The following SCHIP1 variants were observed in gnomAD, a reference collection of about 807,000 sequenced individuals.
SCHIP1 encodes schwannomin interacting protein 1, also known as schwannomin-interacting protein 1.
A neutral mutation model predicts 29.7 loss-of-function variants in SCHIP1; 8 were observed. The observed-to-expected ratio is 0.27, with a 90% CI of 0.16 to 0.49. The LOEUF (loss-of-function observed/expected upper bound fraction) is 0.49. Among genes scored for constraint, SCHIP1 ranks in the 20% least tolerant of loss-of-function variants. The pLI is 0.99. For synonymous variants in SCHIP1, 76 were observed against 94.9 expected (o/e 0.80, Z 1.16); for missense variants, 193 against 294.6 (o/e 0.66, Z 2.52).
the SCHIP1 span, chr3:159,722,027 G>A: frequency 5.7e-4 from 205 of 362,548 alleles, 1 homozygote; most frequent in East Asian, 0.012. Flanking sequence ...CTGTCTCAAC[G>A]TACTTTATTA....
the SCHIP1 span, among the ~76,000 whole-genome samples, chr3:159,322,056 A>T: frequency 1.3e-5 from 2 of 151,900 alleles, no homozygotes; most frequent in Non-Finnish European, 1.5e-5. Flanking sequence ...CCAGTAGTTC[A>T]TATCACTTTG....
intron 2 of SCHIP1, among the ~76,000 whole-genome samples, chr3:159,882,672 CA>C: frequency 6.6e-6 from 1 of 152,316 alleles, no homozygotes; most frequent in East Asian, 1.9e-4. Context: ...TATATAAAAT[CA>C]TATTACCACT....
At chr3:159,485,148 TC>T in the SCHIP1 span, among the ~76,000 whole-genome samples, 4,989 of 152,192 alleles carry the variant, frequency 0.033, 277 homozygotes, top group African/African-American at 0.12. Context: ...CCCTCATACT[TC>T]CTGGATATCC....
the SCHIP1 span, among the ~76,000 whole-genome samples, chr3:159,344,687 A>T: frequency 6.6e-6 from 1 of 152,370 alleles, no homozygotes; most frequent in African/African-American, 2.4e-5. Context: ...GAGCCTAAAT[A>T]AACATGGTAA....
the SCHIP1 span, among the ~76,000 whole-genome samples, chr3:159,286,054 T>C: frequency 3.3e-5 from 5 of 152,234 alleles, no homozygotes; most frequent in Admixed American, 3.3e-4. Flanking sequence ...TTATTCATTG[T>C]GTTTATTCAT....
the SCHIP1 span, among the ~76,000 whole-genome samples, chr3:159,639,568 C>T: frequency 6.6e-6 from 1 of 152,108 alleles, no homozygotes; most frequent in Admixed American, 6.6e-5. Flanking sequence ...ATCCTTGGGG[C>T]TATTTAAAAC....
the SCHIP1 span, among the ~76,000 whole-genome samples, chr3:159,487,121 T>C: frequency 1.1e-3 from 3 of 2,678 alleles, no homozygotes; most frequent in African/African-American, 0.02. Flanking sequence ...CTAGCAATTC[T>C]AAGATTCACC....
chr3:159,664,830 C>A, the SCHIP1 span, among the ~76,000 whole-genome samples: 1 of 152,222 alleles, frequency 6.6e-6, no homozygotes, highest in African/African-American at 2.4e-5. Context: ...AAGTGGCTCT[C>A]AAAATGTGAC....
chr3:159,572,415 A>C, the SCHIP1 span, among the ~76,000 whole-genome samples: 1 of 152,128 alleles, frequency 6.6e-6, no homozygotes. Context: ...TTAAGTTTCC[A>C]TGTAGTTGTG....
the SCHIP1 span, among the ~76,000 whole-genome samples, chr3:159,398,658 AGGTATTTTAT>A: frequency 6.6e-6 from 1 of 152,016 alleles, no homozygotes; most frequent in Non-Finnish European, 1.5e-5. Context: ...AGGACTTGAG[AGGTATTTTAT>A]GGTAGAATAG....
At chr3:159,563,953 C>A in the SCHIP1 span, among the ~76,000 whole-genome samples, 2 of 152,166 alleles carry the variant, frequency 1.3e-5, no homozygotes, top group African/African-American at 4.8e-5. Context: ...ATTTCTGCTT[C>A]AACAAAGCAC....
the SCHIP1 span, among the ~76,000 whole-genome samples, chr3:159,460,248 G>A: frequency 2.0e-5 from 3 of 152,214 alleles, no homozygotes; most frequent in African/African-American, 7.2e-5. Flanking sequence ...CTTAGGGAAT[G>A]CAATTTGTGG....
the SCHIP1 span, among the ~76,000 whole-genome samples, chr3:159,783,100 T>C: frequency 6.6e-6 from 1 of 152,250 alleles, no homozygotes; most frequent in African/African-American, 2.4e-5. Flanking sequence ...TTAATAGTCA[T>C]TTATTTGCTC....
the SCHIP1 span, among the ~76,000 whole-genome samples, chr3:159,646,570 A>C: frequency 5.3e-5 from 8 of 152,074 alleles, no homozygotes; most frequent in Non-Finnish European, 2.9e-5. Flanking sequence ...TTAACCTTTC[A>C]CAGGCCTTAC....
chr3:159,830,340 A>G, the SCHIP1 span, among the ~76,000 whole-genome samples: 2 of 152,194 alleles, frequency 1.3e-5, no homozygotes, highest in African/African-American at 4.8e-5. Context: ...ATTGTTTTGC[A>G]TGTTGGTTTT....
the SCHIP1 span, among the ~76,000 whole-genome samples, chr3:159,602,854 G>C: frequency 1.3e-5 from 2 of 152,092 alleles, no homozygotes; most frequent in African/African-American, 4.8e-5. Context: ...CAAATGTGTG[G>C]GGTATTTTTC....
At chr3:159,285,300 G>GTGATAGATAACAGGGATTCCC in the SCHIP1 span, among the ~76,000 whole-genome samples, 1 of 151,728 alleles carries the variant, frequency 6.6e-6, no homozygotes, top group Non-Finnish European at 1.5e-5. Context: ...TTTTGTTTCC[G>GTGATAGATAACAGGGATTCCC]TGATAGATAA....
the SCHIP1 span, among the ~76,000 whole-genome samples, chr3:159,680,251 C>T: frequency 6.6e-6 from 1 of 151,762 alleles, no homozygotes. Context: ...TGGCTAACGC[C>T]TGTAATCCCA....
chr3:159,520,461 A>T, the SCHIP1 span, among the ~76,000 whole-genome samples: 1 of 152,228 alleles, frequency 6.6e-6, no homozygotes, highest in Admixed American at 6.5e-5. Flanking sequence ...AAAAAGCCAG[A>T]TCTGACTTGT....
Sources: gnomAD v4.1 joint callset for allele counts (sites outside exome capture counted in the v4.1 genomes callset) on GRCh38, gnomAD v4.1.1 for gene constraint, MANE v1.5 for transcripts, NCBI Gene and HGNC (gene_info 2026-07-23, HGNC 2026-07-21) for gene names.